The following ITFG1 variants were observed in gnomAD, a reference collection of about 807,000 sequenced individuals.
ITFG1 encodes integrin alpha FG-GAP repeat containing 1.
A neutral mutation model predicts 81.8 loss-of-function variants in ITFG1; 34 were observed. That is an observed-to-expected ratio of 0.42 (90% CI 0.32 to 0.55). The LOEUF is 0.55. Among genes scored for constraint, ITFG1 ranks in the 20% least tolerant of loss-of-function variants. ITFG1 has a pLI of 0.17. For synonymous variants in ITFG1, 285 were observed against 270.6 expected (o/e 1.05, Z -0.52); for missense variants, 672 against 755.4 (o/e 0.89, Z 1.29).
At chr16:47,278,257 C>T (rs1301141774) in intron 10 of ITFG1, among the ~76,000 whole-genome samples, 2 of 151,990 alleles carry the variant, frequency 1.3e-5, no homozygotes, top group Non-Finnish European at 2.9e-5. Flanking sequence ...GTGGTGGAGT[C>T]GAGGAGAACA....
At chr16:47,278,815 G>A (rs541017392) in intron 10 of ITFG1, among the ~76,000 whole-genome samples, 1 of 152,244 alleles carries the variant, frequency 6.6e-6, no homozygotes, top group Admixed American at 6.5e-5. Flanking sequence ...TAGGAATTAT[G>A]TCAACCTAAA....
intron 17 of ITFG1, among the ~76,000 whole-genome samples, chr16:47,157,886 G>A (rs1017562612): frequency 6.6e-6 from 1 of 152,054 alleles, no homozygotes; most frequent in Non-Finnish European, 1.5e-5. Flanking sequence ...CTTTTTTGAG[G>A]GCATTGATTG....
intron 6 of ITFG1, among the ~76,000 whole-genome samples, chr16:47,398,174 T>G (rs1450911220): frequency 6.6e-6 from 1 of 152,122 alleles, no homozygotes; most frequent in Non-Finnish European, 1.5e-5. Context: ...ACACACCTCC[T>G]TCAACTACTA....
intron 12 of ITFG1, among the ~76,000 whole-genome samples, chr16:47,248,463 C>A (rs1251847924): frequency 1.3e-5 from 2 of 152,112 alleles, no homozygotes; most frequent in Non-Finnish European, 2.9e-5. Context: ...TGTTAAAGTT[C>A]TCTGGCATAA....
At chr16:47,259,739 C>A (rs777951588) in intron 11 of ITFG1, among the ~76,000 whole-genome samples, 3 of 152,028 alleles carry the variant, frequency 2.0e-5, no homozygotes, top group African/African-American at 7.2e-5. Context: ...TTTTTCAGAG[C>A]GGTAAACTGG....
At chr16:47,343,377 C>G (rs1967809877) in intron 8 of ITFG1, among the ~76,000 whole-genome samples, 1 of 152,012 alleles carries the variant, frequency 6.6e-6, no homozygotes, top group Non-Finnish European at 1.5e-5. Context: ...TCATAAAACC[C>G]TTAGTGAAAA....
intron 14 of ITFG1, among the ~76,000 whole-genome samples, chr16:47,179,080 G>A (rs1965066476): frequency 1.3e-5 from 2 of 152,038 alleles, no homozygotes. Context: ...GGAAACAACA[G>A]GTGCTGGAGA....
intron 8 of ITFG1, among the ~76,000 whole-genome samples, chr16:47,325,478 T>C (rs1387983782): frequency 4.0e-5 from 6 of 150,828 alleles, no homozygotes; most frequent in South Asian, 4.2e-4. Flanking sequence ...AAGATCAGAG[T>C]AGAACTGAAG....
chr16:47,403,483 G>A (rs1285890379), intron 6 of ITFG1, among the ~76,000 whole-genome samples: 3 of 152,030 alleles, frequency 2.0e-5, no homozygotes, highest in African/African-American at 7.2e-5. Flanking sequence ...ACCACTAAAT[G>A]CACATGTATG....
rs796471291 is a variant in ITFG1 at position 47,239,503 on chromosome 16, A to AT, written c.1331-1496dup. Among the ~76,000 whole-genome samples the AT allele has an allele frequency of 7.5e-4, 114 of 151,934 alleles. 1 individual carries two copies. The highest frequency in any genetic ancestry group is 3.4e-3 in the Middle Eastern group (1 of 294). ...TGTGAGCCACTGGGTCTGGCCAGAT[A>AT]TTTTTTTTATATTAATAGCAGCCTA... On this transcript the variant is annotated intron_variant, in intron 12 of 17. Transcript: ENST00000320640.
At position 47,318,149 on chromosome 16, in the gene ITFG1, T is replaced by C. The variant is rs536791432; in HGVS notation, c.803-4326A>G. ...AAAGTCATTTTACTCCATTCCCTGC[T>C]CCCCTCCAGTGGCAACCACCATAGC... is the stretch of plus-strand genomic sequence containing the variant. On this transcript the variant is annotated intron_variant, in intron 8 of 17. Transcript: ENST00000320640. 5.9e-5 allele frequency among the ~76,000 whole-genome samples: 9 copies of C among 152,258 alleles called. No homozygotes were observed. The South Asian group carries it at 1.4e-3, about 25-fold the overall frequency.
At chr16:47,347,383 C>A (rs1967872452) in intron 8 of ITFG1, among the ~76,000 whole-genome samples, 1 of 152,238 alleles carries the variant, frequency 6.6e-6, no homozygotes, top group African/African-American at 2.4e-5. Flanking sequence ...GCAAATGGCA[C>A]ACCAGGAGAT....
intron 12 of ITFG1, among the ~76,000 whole-genome samples, chr16:47,254,698 C>T (rs1048174448): frequency 6.6e-6 from 1 of 152,182 alleles, no homozygotes; most frequent in Non-Finnish European, 1.5e-5. Flanking sequence ...TAACAATATA[C>T]AGATTAATAT....
chr16:47,260,525 C>A lies in ITFG1; in HGVS notation c.1221+20G>T, dbSNP rs1966196744. The A allele has an allele frequency of 1.9e-6, 3 of 1,609,784 alleles. No individual in the cohort carries two copies. The highest frequency in any genetic ancestry group is 1.3e-5 in the African/African-American group (1 of 74,972). ...GAAAGGCAATTAAACTTCAAACACACAGCCCAGCTCTGAACTCACATCTTC... is the reference window on the plus strand; with the variant it reads ...GAAAGGCAATTAAACTTCAAACACAAAGCCCAGCTCTGAACTCACATCTTC... On this transcript the variant is annotated intron_variant, in intron 11 of 17. Transcript: ENST00000320640.
chr16:47,461,113 A>G, upstream of ITFG1: 2 of 1,404,856 alleles, frequency 1.4e-6, no homozygotes, highest in South Asian at 1.4e-5. Context: ...GCACCGCGTT[A>G]CCGGCCGAGA....
intron 10 of ITFG1, among the ~76,000 whole-genome samples, chr16:47,273,464 T>C (rs1420801851): frequency 6.6e-6 from 1 of 152,222 alleles, no homozygotes; most frequent in East Asian, 1.9e-4. Context: ...ATTATTGAAG[T>C]GTTTTGCAAC....
chr16:47,380,264 C>T (rs1968379807), intron 6 of ITFG1, among the ~76,000 whole-genome samples: 1 of 152,142 alleles, frequency 6.6e-6, no homozygotes. Flanking sequence ...TCTGAGTCCT[C>T]AGATTCACGC....
chr16:47,399,989 A>G (rs1480653334), intron 6 of ITFG1, among the ~76,000 whole-genome samples: 1 of 152,212 alleles, frequency 6.6e-6, no homozygotes. Context: ...ATTATGCTCC[A>G]GATACTGTAC....
At chr16:47,435,457 G>A (rs770584229) in intron 5 of ITFG1, among the ~76,000 whole-genome samples, 4 of 152,060 alleles carry the variant, frequency 2.6e-5, no homozygotes, top group South Asian at 4.1e-4. Flanking sequence ...AGCTTTTCCC[G>A]CACAAGAAAC....
Sources: gnomAD v4.1 joint callset for allele counts (sites outside exome capture counted in the v4.1 genomes callset) on GRCh38, gnomAD v4.1.1 for gene constraint, MANE v1.5 for transcripts, NCBI Gene and HGNC (gene_info 2026-07-23, HGNC 2026-07-21) for gene names.